DACT3: variants seen among roughly 807,000 people sequenced by gnomAD.
DACT3 encodes dapper homolog 3.
Under a neutral mutation model 19.6 loss-of-function variants are expected in DACT3, and 5 were observed. The ratio of observed to expected loss-of-function variants is 0.26; its 90% CI spans 0.13 to 0.54. DACT3 has a LOEUF of 0.54. Ranked by LOEUF, DACT3 falls within the 20% of genes least tolerant of loss-of-function variation. DACT3 has a pLI of 0.95. For synonymous variants in DACT3, 454 were observed against 428.1 expected, an observed-to-expected ratio of 1.06 and a Z score of -0.75; for missense variants, 908 against 927.4, an observed-to-expected ratio of 0.98 and a Z score of 0.27.
At chr19:46,653,539 T>TTATATTTATTTA (rs1555822615) in intron 1 of DACT3, among the ~76,000 whole-genome samples, 6 of 141,152 alleles carry the variant, frequency 4.3e-5, no homozygotes, top group Non-Finnish European at 9.2e-5. Context: ...CTTTTTTTAT[T>TTATATTTATTTA]TTTATTTATT....
Position 46,649,745 on chromosome 19 carries a change from C to T in DACT3, c.627G>A (p.Arg209=). The T allele has an allele frequency of 7.8e-7, 1 of 1,274,250 alleles. No individual in the cohort carries two copies. The highest frequency in any genetic ancestry group is 2.4e-5 in the South Asian group (1 of 40,906). The allele number at this position is 1,274,250 out of a possible 1,614,324, so 78.9% of individuals were successfully genotyped here. The change falls in exon 4 of 4, where the codon CGG becomes CGA. Residue 209 remains arginine (R), a synonymous_variant. Coordinates refer to ENST00000391916, the MANE Select transcript of DACT3 (RefSeq NM_145056.3). ...GPEACSSAER[R]ARAGPFLTPS... ...GCGTCAGAAAGGGCCCGGCGCGGGC[C>T]CGCCGCTCCGCCGAGGAGCAGGCCT...
At chr19:46,649,916 G>T in intron 3 of DACT3, 44 bp from the exon 4 acceptor site, 1 of 1,333,038 alleles carries the variant, frequency 7.5e-7, no homozygotes, top group Non-Finnish European at 9.6e-7. Context: ...AGAGAGTGGA[G>T]GGGCTCTCAA....
In DACT3 at chr19:46,652,661, T is replaced by A. The variant is rs1249200655; in HGVS notation, c.498A>T (p.Leu166=). 2.6e-6 allele frequency: 4 copies of A among 1,550,768 alleles called. No homozygotes were observed. The Admixed American group carries it at 7.8e-5, about 30-fold the overall frequency. ...GGGCCCCACCCTCACCCACCTTACCTAGGGACTTGGGCCTCTCACTGGCAT... is the reference window on the plus strand; with the variant it reads ...GGGCCCCACCCTCACCCACCTTACCAAGGGACTTGGGCCTCTCACTGGCAT... ...GIYASERPKS[L]GDASPSAPEV... is the part of the protein sequence containing the mutation. Residue 166 remains leucine (L), a splice_region_variant and synonymous_variant, in exon 3 of 4, where the codon CTA becomes CTT. Coordinates refer to ENST00000391916, the MANE Select transcript of DACT3 (RefSeq NM_145056.3).
At chr19:46,658,976 C>A (rs1291865717) in intron 1 of DACT3, 16 of 589,924 alleles carry the variant, frequency 2.7e-5, no homozygotes, top group Non-Finnish European at 3.4e-5. Flanking sequence ...GTATCCCCAT[C>A]ATTCCTATTA....
rs1213402089 is a variant in DACT3, at chr19:46,649,751, C to T, written c.621G>A (p.Glu207=). 2.3e-6 allele frequency: 3 copies of T among 1,279,760 alleles called. No homozygotes were observed. The highest frequency in any genetic ancestry group is 1.6e-5 in the African/African-American group (1 of 64,096). The allele number at this position is 1,279,760 out of a possible 1,614,324, so 79.3% of individuals were successfully genotyped here. ...SAGPEACSSA[E]RRARAGPFLT... ...GAAAGGGCCCGGCGCGGGCCCGCCG[C>T]TCCGCCGAGGAGCAGGCCTCCGGGC... Residue 207 remains glutamate (E), a synonymous_variant, in exon 4 of 4, where the codon GAG becomes GAA. Coordinates refer to ENST00000391916, the MANE Select transcript of DACT3 (RefSeq NM_145056.3).
At chr19:46,659,323 G>A in intron 1 of DACT3, 1 of 953,412 alleles carries the variant, frequency 1.0e-6, no homozygotes, top group Non-Finnish European at 1.2e-6. Context: ...AGGGACCGAG[G>A]AGAGGGAGAC....
In DACT3 at chr19:46,648,224, C is replaced by G. The variant is rs1454805336; in HGVS notation, c.*258G>C. The G allele has an allele frequency of 1.2e-5, 7 of 560,808 alleles. No individual in the cohort carries two copies. The highest frequency in any genetic ancestry group is 2.2e-5 in the Non-Finnish European group (7 of 315,620). 34.7% of individuals were successfully genotyped at this position (560,808 alleles called of 1,614,324 possible). On this transcript the variant is annotated 3_prime_UTR_variant, in exon 4 of 4. Transcript: ENST00000391916. The surrounding 1 kb of genome is among the most constrained non-coding windows in gnomAD (Gnocchi z 5.1). Reference sequence around the variant, plus strand: ...CTTACTGTACAGATGAGGAAAGTGACGCCCAGAGAAGGGGAACTGTCTTGC... The same window carrying G: ...CTTACTGTACAGATGAGGAAAGTGAGGCCCAGAGAAGGGGAACTGTCTTGC...
intron 1 of DACT3, among the ~76,000 whole-genome samples, chr19:46,653,776 A>T (rs939409040): frequency 4.7e-5 from 7 of 149,584 alleles, no homozygotes; most frequent in African/African-American, 1.7e-4. Flanking sequence ...CTGATCTTGA[A>T]CTCCTGACCT....
chr19:46,660,694 C>T lies in DACT3; in HGVS notation c.249+122G>A. On this transcript the variant is annotated intron_variant, in intron 1 of 3. Transcript: ENST00000391916. The surrounding 1 kb of genome is among the most constrained non-coding windows in gnomAD (Gnocchi z 4.9). Reference sequence around the variant, plus strand: ...GAACTCCGGGGTCGCCAGCCCCACCCCCTGTCCTTTCTCACTCCCTGCCTA... The same window carrying T: ...GAACTCCGGGGTCGCCAGCCCCACCTCCTGTCCTTTCTCACTCCCTGCCTA... 7.2e-7 allele frequency: 1 copy of T among 1,395,336 alleles called. No homozygotes were observed. Among genetic ancestry groups the T allele is most frequent in the Non-Finnish European group, 9.3e-7 (1 of 1,081,062 alleles). The allele number at this position is 1,395,336 out of a possible 1,614,324, so 86.4% of individuals were successfully genotyped here. A position where few individuals can be genotyped will look rare whatever the true frequency, so the allele number is the denominator to read the frequency against.
rs1188719115 is a variant in DACT3, at chr19:46,660,137, G to A, written c.249+679C>T. Among the ~76,000 whole-genome samples, 1 of 152,198 alleles carries A rather than the reference G, an allele frequency of 6.6e-6. No homozygotes were observed. The highest frequency in any genetic ancestry group is 2.4e-5 in the African/African-American group (1 of 41,446). ...AGTCCAGAAGTCTCCCCCAGGCGCT[G>A]CCTCGACCTGCCTCCCCTTGGGTCA... On this transcript the variant is annotated intron_variant, in intron 1 of 3. Transcript: ENST00000391916. The surrounding 1 kb of genome is among the most constrained non-coding windows in gnomAD (Gnocchi z 4.9).
Position 46,660,090 on chromosome 19 carries a change from C to T in DACT3, c.249+726G>A, listed in dbSNP as rs922995560. On this transcript the variant is annotated intron_variant, in intron 1 of 3. Coordinates refer to ENST00000391916, the MANE Select transcript of DACT3 (RefSeq NM_145056.3). The surrounding 1 kb of genome is among the most constrained non-coding windows in gnomAD (Gnocchi z 4.9). ...AGTCATTCCGGAGACCTCTGCCCATCTTCCACCATGAGAACACCCAGAGTC... is the reference window on the plus strand; with the variant it reads ...AGTCATTCCGGAGACCTCTGCCCATTTTCCACCATGAGAACACCCAGAGTC... 3.9e-5 allele frequency among the ~76,000 whole-genome samples: 6 copies of T among 152,182 alleles called. No individual in the cohort carries two copies. The highest frequency in any genetic ancestry group is 5.9e-5 in the Non-Finnish European group (4 of 68,012).
chr19:46,657,299 C>G (rs1470978689), intron 1 of DACT3, among the ~76,000 whole-genome samples: 1 of 148,182 alleles, frequency 6.7e-6, no homozygotes, highest in African/African-American at 2.5e-5. Context: ...AACTGGGCAT[C>G]ATAGGACACC....
rs1599794418 is a variant in DACT3 at position 46,659,272 on chromosome 19, CG to C, written c.249+1543del. The C allele has an allele frequency of 4.1e-6, 4 of 984,812 alleles. No individual in the cohort carries two copies. The South Asian group carries it at 1.4e-4, about 35-fold the overall frequency. 61.0% of individuals were successfully genotyped at this position (984,812 alleles called of 1,614,324 possible). A position where few individuals can be genotyped will look rare whatever the true frequency, so the allele number is the denominator to read the frequency against. ...GGGACAGGCCTCTCCACTATCAGCT[CG>C]TGCCGGGAGGACAGAGGGCTGAGGG... On this transcript the variant is annotated intron_variant, in intron 1 of 3. Coordinates refer to ENST00000391916, the MANE Select transcript of DACT3 (RefSeq NM_145056.3).
chr19:46,652,469 G>A (rs888493246), intron 3 of DACT3, 191 bp downstream of exon 3: 8 of 678,262 alleles, frequency 1.2e-5, no homozygotes, highest in Admixed American at 3.0e-5. Flanking sequence ...GTGAGCCACC[G>A]CACCCAGCCA....
chr19:46,654,195 C>T lies in DACT3; in HGVS notation c.250-1120G>A, dbSNP rs138771938. The stretch of plus-strand genomic sequence containing the variant: ...CTTTCCTCATCGCCATGAGAAATTT[C>T]GGGGAGTCAGGCCGGGCGCAGTGGC... On this transcript the variant is annotated intron_variant, in intron 1 of 3. Transcript: ENST00000391916. 1,747 of 985,036 alleles carry T rather than the reference C, an allele frequency of 1.8e-3. 34 individuals carry two copies. The African/African-American group carries it at 0.029, about 16-fold the overall frequency. The allele number at this position is 985,036 out of a possible 1,614,324, so 61.0% of individuals were successfully genotyped here. A position where few individuals can be genotyped will look rare whatever the true frequency, so the allele number is the denominator to read the frequency against.
intron 1 of DACT3, chr19:46,655,050 C>G: frequency 1.0e-6 from 1 of 985,406 alleles, no homozygotes; most frequent in South Asian, 4.7e-5. Context: ...TCTCTCGGAC[C>G]TACCATGTAC....
chr19:46,650,034 CATA>C, intron 3 of DACT3, 162 bp from the exon 4 acceptor site: 1 of 844,038 alleles, frequency 1.2e-6, no homozygotes, highest in Non-Finnish European at 1.6e-6. Flanking sequence ...TTGTAAAATT[CATA>C]ATAAAATCTT....
chr19:46,655,925 C>CTCTATA lies in DACT3; in HGVS notation c.250-2851_250-2850insTATAGA, dbSNP rs980735397. Among the ~76,000 whole-genome samples the CTCTATA allele has an allele frequency of 5.4e-4, 74 of 137,930 alleles. No individual in the cohort carries two copies. The East Asian group carries it at 7.0e-3, about 13-fold the overall frequency. The allele number at this position is 137,930 out of a possible 152,430, so 90.5% of individuals were successfully genotyped here. On this transcript the variant is annotated intron_variant, in intron 1 of 3. Transcript: ENST00000391916. ...AGTCTCTCTCTCTCTCTCTCTCTCT[C>CTCTATA]TATATATATATATATATATATACAC...
chr19:46,660,726 T>G lies in DACT3; in HGVS notation c.249+90A>C. Reference sequence around the variant, plus strand: ...CTTTCTCACTCCCTGCCTACCCGGGTCCCCAACCCCCGCCCGGTGTCTGAG... The same window carrying G: ...CTTTCTCACTCCCTGCCTACCCGGGGCCCCAACCCCCGCCCGGTGTCTGAG... On this transcript the variant is annotated intron_variant, in intron 1 of 3. Transcript: ENST00000391916. This position sits in a 1 kb window ranked among gnomAD's most constrained non-coding sequence, Gnocchi z 4.9. The G allele has an allele frequency of 1.4e-6, 2 of 1,391,106 alleles. No homozygotes were observed. The highest frequency in any genetic ancestry group is 1.6e-5 in the South Asian group (1 of 63,658). 86.2% of individuals were successfully genotyped at this position (1,391,106 alleles called of 1,614,324 possible).
Sources: allele counts gnomAD v4.1 joint callset (sites outside exome capture counted in the v4.1 genomes callset), GRCh38; gene constraint gnomAD v4.1.1; non-coding constraint Gnocchi (gnomAD v3.1); transcripts MANE v1.5; gene names NCBI Gene and HGNC (gene_info 2026-07-23, HGNC 2026-07-21).